SDR16C5: variants seen among roughly 807,000 people sequenced by gnomAD.
The protein encoded by SDR16C5 is epidermal retinol dehydrogenase 2.
A neutral mutation model predicts 27.7 loss-of-function variants in SDR16C5; 20 were observed. The ratio of observed to expected loss-of-function variants is 0.72; its 90% CI spans 0.51 to 1.05. The LOEUF (loss-of-function observed/expected upper bound fraction) is 1.05, where lower values mean the gene tolerates loss of function less well. SDR16C5 is among the 50% of genes least tolerant of loss of function. The pLI, the probability that SDR16C5 is intolerant of heterozygous loss-of-function variation, is 0.00. For synonymous variants in SDR16C5, 139 were observed against 132.3 expected (o/e 1.05, Z -0.35); for missense variants, 374 against 366.3 (o/e 1.02, Z -0.17).
intron 6 of SDR16C5, among the ~76,000 whole-genome samples, chr8:56,302,545 C>T (rs955553717): frequency 6.6e-5 from 10 of 151,372 alleles, no homozygotes; most frequent in Non-Finnish European, 8.8e-5. Flanking sequence ...TGGTGGTGCA[C>T]GCCTGTAATC....
At chr8:56,318,501 C>T (rs1425837474) in intron 1 of SDR16C5, among the ~76,000 whole-genome samples, 1 of 152,236 alleles carries the variant, frequency 6.6e-6, no homozygotes, top group South Asian at 2.1e-4. Context: ...CCTTCTCAGA[C>T]AGCAGCCTGG....
At chr8:56,315,407 TAA>T (rs1280167052) in intron 2 of SDR16C5, among the ~76,000 whole-genome samples, 1 of 152,328 alleles carries the variant, frequency 6.6e-6, no homozygotes, top group African/African-American at 2.4e-5. Context: ...TTAGGATTAA[TAA>T]AAGATTCTGA....
chr8:56,301,735 G>A (rs1320141996), intron 6 of SDR16C5, among the ~76,000 whole-genome samples, 162 bp from the exon 7 acceptor site: 1 of 152,190 alleles, frequency 6.6e-6, no homozygotes, highest in African/African-American at 2.4e-5. Context: ...ACTGGGCCTT[G>A]TTCACTATAT....
intron 5 of SDR16C5, among the ~76,000 whole-genome samples, chr8:56,306,433 G>A (rs1039518661): frequency 3.9e-5 from 6 of 152,114 alleles, no homozygotes; most frequent in Admixed American, 3.3e-4. Context: ...TGAGAGTCTG[G>A]GAAATGGAGG....
chr8:56,309,150 G>T, intron 3 of SDR16C5, 123 bp from the exon 4 acceptor site: 1 of 887,386 alleles, frequency 1.1e-6, no homozygotes, highest in Non-Finnish European at 1.5e-6. Context: ...CTGAAGGTAT[G>T]GGGATATAAA....
intron 2 of SDR16C5, among the ~76,000 whole-genome samples, chr8:56,312,990 A>T (rs1815088512): frequency 6.6e-6 from 1 of 151,976 alleles, no homozygotes; most frequent in Admixed American, 6.5e-5. Context: ...GTTAGCCAGG[A>T]TGGTCTCGAT....
chr8:56,311,713 T>C (rs1328651324), intron 3 of SDR16C5, among the ~76,000 whole-genome samples: 1 of 152,216 alleles, frequency 6.6e-6, no homozygotes, highest in Non-Finnish European at 1.5e-5. Context: ...TGATTAACAC[T>C]TGCTCATTAA....
chr8:56,314,956 A>G (rs1317857434), intron 2 of SDR16C5, among the ~76,000 whole-genome samples: 5 of 152,084 alleles, frequency 3.3e-5, no homozygotes, highest in African/African-American at 9.7e-5. Context: ...GGACACAAAA[A>G]TCCTTAGGAC....
chr8:56,305,070 C>A (rs1814848114), intron 6 of SDR16C5, among the ~76,000 whole-genome samples: 3 of 152,162 alleles, frequency 2.0e-5, no homozygotes, highest in Admixed American at 2.0e-4. Flanking sequence ...CTGCTCCCAG[C>A]CTGTTCTTTT....
At chr8:56,318,952 T>A (rs527944954) in intron 1 of SDR16C5, among the ~76,000 whole-genome samples, 1 of 152,202 alleles carries the variant, frequency 6.6e-6, no homozygotes, top group Admixed American at 6.5e-5. Flanking sequence ...TTGGTAGAAA[T>A]GATTTAATCT....
intron 2 of SDR16C5, 131 bp from the exon 3 acceptor site, chr8:56,312,419 T>C (rs1347476120): frequency 6.1e-6 from 5 of 815,820 alleles, no homozygotes; most frequent in South Asian, 5.1e-5. Flanking sequence ...AAAATACAGC[T>C]TGGGGCCAGG....
chr8:56,301,538 T>A lies in SDR16C5; in HGVS notation c.872A>T (p.Asp291Val). ...LPLKTGLLIA[D>V]YLGILHAMDG... is the part of the protein sequence containing the mutation. ...CATTGCATGAAGGATGCCCAAATAG[T>A]CAGCTATAAGCAGTCCTGTCTTGAG... The change falls in exon 7 of 7, where the codon GAC becomes GTC. Residue 291 changes from aspartate (D) to valine (V), a missense_variant. Coordinates refer to ENST00000303749, the MANE Select transcript of SDR16C5 (RefSeq NM_138969.4). 6.2e-7 allele frequency: 1 copy of A among 1,614,168 alleles called. No individual in the cohort carries two copies. The highest frequency in any genetic ancestry group is 8.5e-7 in the Non-Finnish European group (1 of 1,179,992).
intron 2 of SDR16C5, among the ~76,000 whole-genome samples, chr8:56,314,966 C>T (rs1004197584): frequency 3.9e-5 from 6 of 152,078 alleles, no homozygotes; most frequent in African/African-American, 7.2e-5. Flanking sequence ...ATCCTTAGGA[C>T]GGGCACAGTG....
At chr8:56,302,405 T>C (rs1188239234) in intron 6 of SDR16C5, among the ~76,000 whole-genome samples, 1 of 152,188 alleles carries the variant, frequency 6.6e-6, no homozygotes, top group Non-Finnish European at 1.5e-5. Flanking sequence ...CCGGGCGCAG[T>C]GGCTCACGCC....
intron 2 of SDR16C5, 37 bp from the exon 3 acceptor site, chr8:56,312,325 T>C (rs1157181118): frequency 1.9e-6 from 3 of 1,583,568 alleles, no homozygotes; most frequent in East Asian, 2.2e-5. Flanking sequence ...AATGTAGTAA[T>C]TCCTTACATG....
intron 6 of SDR16C5, chr8:56,303,974 A>C (rs1391443948): frequency 4.3e-6 from 3 of 702,880 alleles, no homozygotes; most frequent in Non-Finnish European, 7.8e-6. Flanking sequence ...TCACAGACTT[A>C]GTGAATAGTG....
intron 6 of SDR16C5, among the ~76,000 whole-genome samples, chr8:56,304,848 C>T: frequency 6.6e-6 from 1 of 152,132 alleles, no homozygotes; most frequent in East Asian, 1.9e-4. Context: ...AGGTGTATAC[C>T]AGCCTCAAAC....
chr8:56,315,890 C>T (rs1815179778), intron 2 of SDR16C5, 125 bp downstream of exon 2: 2 of 687,172 alleles, frequency 2.9e-6, no homozygotes, highest in Non-Finnish European at 5.1e-6. Flanking sequence ...AATCCCAATT[C>T]CCATTCTCCC....
intron 2 of SDR16C5, among the ~76,000 whole-genome samples, 189 bp from the exon 3 acceptor site, chr8:56,312,477 G>A (rs1364122667): frequency 6.6e-6 from 1 of 152,146 alleles, no homozygotes; most frequent in Non-Finnish European, 1.5e-5. Flanking sequence ...GGCCGAGGCA[G>A]GGGGGTGACT....
Sources: allele counts gnomAD v4.1 joint callset (sites outside exome capture counted in the v4.1 genomes callset), GRCh38; gene constraint gnomAD v4.1.1; transcripts MANE v1.5; gene names NCBI Gene and HGNC (gene_info 2026-07-23, HGNC 2026-07-21).